The following EXOC3L4 variants were observed in gnomAD, a reference collection of about 807,000 sequenced individuals.
EXOC3L4 encodes the protein exocyst complex component 3 like 4, also known as exocyst complex component 3-like protein 4.
Under a neutral mutation model 69.7 loss-of-function variants are expected in EXOC3L4, and 62 were observed. The ratio of observed to expected loss-of-function variants is 0.89; its 90% confidence interval spans 0.72 to 1.10. EXOC3L4 has a LOEUF of 1.10. Among genes scored for constraint, EXOC3L4 ranks in the 50% least tolerant of loss-of-function variants. The pLI is 0.00. For missense variants in EXOC3L4, 1,087 were observed against 1,034.8 expected (o/e 1.05, Z -0.69); for synonymous variants, 502 against 464.2 (o/e 1.08, Z -1.05).
chr14:103,104,576 A>G, intron 5 of EXOC3L4, 162 bp from the exon 6 acceptor site: 1 of 1,219,164 alleles, frequency 8.2e-7, no homozygotes, highest in Non-Finnish European at 1.1e-6. Flanking sequence ...GCTGGATGGG[A>G]GTTTGCGGGA....
intron 4 of EXOC3L4, 40 bp from the exon 5 acceptor site, chr14:103,104,227 C>G: frequency 6.6e-7 from 1 of 1,526,484 alleles, no homozygotes; most frequent in Non-Finnish European, 8.8e-7. Context: ...GGGACGGGGT[C>G]TGGGAGGGTC....
chr14:103,103,812 G>GTGTGTGTT (rs1885234380), intron 3 of EXOC3L4, 129 bp from the exon 4 acceptor site: 2 of 613,548 alleles, frequency 3.3e-6, no homozygotes, highest in Non-Finnish European at 5.8e-6. Context: ...GTGTGTGTGT[G>GTGTGTGTT]TGTGTGTGTG....
At chr14:103,103,579 A>C in intron 3 of EXOC3L4, 1 of 196,704 alleles carries the variant, frequency 5.1e-6, no homozygotes, top group Non-Finnish European at 1.0e-5. Context: ...CGCACTCCTT[A>C]AATTGCTCCT....
intron 1 of EXOC3L4, among the ~76,000 whole-genome samples, chr14:103,099,332 G>C (rs537882499): frequency 6.6e-6 from 1 of 151,930 alleles, no homozygotes; most frequent in Non-Finnish European, 1.5e-5. Context: ...GGCAGGCCAC[G>C]GTGCCGAGGG....
rs1025949436 is a variant in EXOC3L4, at chr14:103,110,371, T to A, written c.*148T>A. Reference sequence around the variant, plus strand: ...TTTGTCGTCAGCAGCCAAGCGCAGCTGTCAGGCCAGAAGGAGCAGCCGTGC... The same window carrying A: ...TTTGTCGTCAGCAGCCAAGCGCAGCAGTCAGGCCAGAAGGAGCAGCCGTGC... On this transcript the variant is annotated 3_prime_UTR_variant, in exon 12 of 12. Transcript: ENST00000688303. The A allele has an allele frequency of 4.1e-6, 4 of 965,520 alleles. No individual in the cohort carries two copies. The Admixed American group carries it at 8.0e-5, about 19-fold the overall frequency. 59.8% of individuals were successfully genotyped at this position (965,520 alleles called of 1,614,324 possible). A position where few individuals can be genotyped will look rare whatever the true frequency, so the allele number is the denominator to read the frequency against.
chr14:103,107,788 G>A lies in EXOC3L4; in HGVS notation c.1854+5G>A. On this transcript the variant is annotated splice_donor_5th_base_variant and intron_variant, in intron 10 of 11. Transcript: ENST00000688303. ...AGCGACACCTTCCAGGGCCTGGTAG[G>A]GGCGGCATGACTGCCCTTCGGTGCT... The A allele has an allele frequency of 6.6e-7, 1 of 1,509,694 alleles. No individual in the cohort carries two copies. Among genetic ancestry groups the A allele is most frequent in the Non-Finnish European group, 8.9e-7 (1 of 1,122,300 alleles). The allele number at this position is 1,509,694 out of a possible 1,614,324, so 93.5% of individuals were successfully genotyped here.
In EXOC3L4 at chr14:103,100,270, G is replaced by A. The variant is rs758160182; in HGVS notation, c.51G>A (p.Lys17=). ...DTPGPELQSP[K]EAEEPQTPAQ... ...CTGGGCCGGAGCTGCAGAGTCCCAAGGAGGCTGAGGAGCCACAGACTCCAG... is the reference window on the plus strand; with the variant it reads ...CTGGGCCGGAGCTGCAGAGTCCCAAAGAGGCTGAGGAGCCACAGACTCCAG... The change falls in exon 2 of 12, where the codon AAG becomes AAA. Residue 17 remains lysine (K), a synonymous_variant. Transcript: ENST00000688303. The A allele has an allele frequency of 5.7e-6, 9 of 1,577,424 alleles. No homozygotes were observed. Among genetic ancestry groups the A allele is most frequent in the Non-Finnish European group, 6.9e-6 (8 of 1,160,790 alleles).
Position 103,110,313 on chromosome 14 carries a change from T to C in EXOC3L4, c.*90T>C. On this transcript the variant is annotated 3_prime_UTR_variant, in exon 12 of 12. Transcript: ENST00000688303. ...GAGCCCAGGGAGTCACTCTGGGCCC[T>C]GCCCCCAACTCTGACACTGCAGTTA... 7.1e-7 allele frequency: 1 copy of C among 1,406,120 alleles called. No homozygotes were observed. Among genetic ancestry groups the C allele is most frequent in the Middle Eastern group, 1.8e-4 (1 of 5,702 alleles). The allele number at this position is 1,406,120 out of a possible 1,614,324, so 87.1% of individuals were successfully genotyped here.
chr14:103,107,405 C>A lies in EXOC3L4; in HGVS notation c.1582-19C>A. The A allele has an allele frequency of 6.2e-7, 1 of 1,610,492 alleles. No homozygotes were observed. The highest frequency in any genetic ancestry group is 1.1e-5 in the South Asian group (1 of 91,014). On this transcript the variant is annotated intron_variant, in intron 8 of 11. Transcript: ENST00000688303. The stretch of plus-strand genomic sequence containing the variant: ...GGGCGTAGTGCACATTTGCAGACTC[C>A]CAGCCCCTCTGTCCCCAGCCGCTCT...
At chr14:103,104,558 G>A (rs1440853364) in intron 5 of EXOC3L4, 169 bp downstream of exon 5, 1 of 1,297,894 alleles carries the variant, frequency 7.7e-7, no homozygotes, top group Admixed American at 3.3e-5. Flanking sequence ...CCGACGGGCA[G>A]GGAGGCTGCT....
At chr14:103,099,121 G>A (rs1890034037) in intron 1 of EXOC3L4, among the ~76,000 whole-genome samples, 1 of 152,184 alleles carries the variant, frequency 6.6e-6, no homozygotes, top group South Asian at 2.1e-4. Flanking sequence ...GGGGCCCTGG[G>A]GCTGGGCTAG....
chr14:103,105,435 G>A (rs1471106990), intron 7 of EXOC3L4, among the ~76,000 whole-genome samples: 1 of 151,850 alleles, frequency 6.6e-6, no homozygotes, highest in Non-Finnish European at 1.5e-5. Context: ...GCTGAGTGGT[G>A]TGTGTGTGTC....
In EXOC3L4 at chr14:103,104,761, G is replaced by T; in HGVS notation, c.1308G>T (p.Ala436=). 6.6e-7 allele frequency: 1 copy of T among 1,519,500 alleles called. No individual in the cohort carries two copies. The allele number at this position is 1,519,500 out of a possible 1,614,324, so 94.1% of individuals were successfully genotyped here. Residue 436 remains alanine (A), a synonymous_variant, in exon 6 of 12, where the codon GCG becomes GCT. Transcript: ENST00000688303. ...VHMLVAEHVK[A]AGAISAELEA... ...AGCTCGTGGCCGAGCACGTGAAGGC[G>T]GCCGGCGCCATCTCCGCGGAGCTGG...
In EXOC3L4 at chr14:103,102,359, C is replaced by T. The variant is rs192143764; in HGVS notation, c.636C>T (p.Ala212=). 2,993 of 1,560,902 alleles carry T rather than the reference C, an allele frequency of 1.9e-3. 128 individuals are homozygous for T. In the Admixed American group the frequency reaches 0.051, roughly 27 times the overall value. ...DSDGVDAAAL[A]ELARVVSAEE... ...ACGGTGTGGACGCGGCCGCGCTGGC[C>T]GAGCTGGCCCGCGTGGTGAGCGCGG... Residue 212 remains alanine (A), a synonymous_variant, in exon 3 of 12, where the codon GCC becomes GCT. Coordinates refer to ENST00000688303, the MANE Select transcript of EXOC3L4 (RefSeq NM_001077594.2).
chr14:103,097,883 G>A lies in EXOC3L4; in HGVS notation c.-16-2321G>A, dbSNP rs1446848296. Reference sequence around the variant, plus strand: ...TGTCCGTGAACCCCAGGGGAAGCTGGTGAGGTGTCATCAGCGGGAGGTGGG... The same window carrying A: ...TGTCCGTGAACCCCAGGGGAAGCTGATGAGGTGTCATCAGCGGGAGGTGGG... On this transcript the variant is annotated intron_variant, in intron 1 of 11. Transcript: ENST00000688303. The surrounding 1 kb of genome is among the most constrained non-coding windows in gnomAD (Gnocchi z 4.9). 6.6e-6 allele frequency among the ~76,000 whole-genome samples: 1 copy of A among 152,126 alleles called. No individual in the cohort carries two copies. The highest frequency in any genetic ancestry group is 6.5e-5 in the Admixed American group (1 of 15,280).
rs745383898 is a variant in EXOC3L4, at chr14:103,107,617, C to T, written c.1702-14C>T. 6.3e-7 allele frequency: 1 copy of T among 1,599,598 alleles called. No homozygotes were observed. Among genetic ancestry groups the T allele is most frequent in the South Asian group, 1.1e-5 (1 of 89,942 alleles). On this transcript the variant is annotated splice_polypyrimidine_tract_variant and intron_variant, in intron 9 of 11. Transcript: ENST00000688303. ...TGTTGACCCTGACCCTGACCCTGAC[C>T]CTGGGCCGCCCAGGAGACTCTGCAG...
intron 8 of EXOC3L4, among the ~76,000 whole-genome samples, 157 bp from the exon 9 acceptor site, chr14:103,107,267 C>G (rs1481998126): frequency 6.6e-6 from 1 of 152,200 alleles, no homozygotes; most frequent in Non-Finnish European, 1.5e-5. Flanking sequence ...GAGAGGCATT[C>G]TGGGAAAGGG....
At position 103,100,902 on chromosome 14, in the gene EXOC3L4, A is replaced by ATTTTTT. The variant is rs34995113; in HGVS notation, c.394+302_394+307dup. Among the ~76,000 whole-genome samples the ATTTTTT allele has an allele frequency of 3.3e-4, 43 of 131,428 alleles. 1 individual carries two copies. The highest frequency in any genetic ancestry group is 1.0e-3 in the African/African-American group (36 of 34,422). 86.2% of individuals were successfully genotyped at this position (131,428 alleles called of 152,430 possible). ...AGGTGTAAGCCACTGCACCCGGCTAATTTTTTTTTTTTTTTTTTGACACTG... is the reference window on the plus strand; with the variant it reads ...AGGTGTAAGCCACTGCACCCGGCTAATTTTTTTTTTTTTTTTTTTTTTTTGACACTG... On this transcript the variant is annotated intron_variant, in intron 2 of 11. Coordinates refer to ENST00000688303, the MANE Select transcript of EXOC3L4 (RefSeq NM_001077594.2).
intron 3 of EXOC3L4, 23 bp downstream of exon 3, chr14:103,102,795 A>C: frequency 7.6e-7 from 1 of 1,323,922 alleles, no homozygotes; most frequent in Non-Finnish European, 9.6e-7. Context: ...CAGGGCGCCC[A>C]GTGGCGAGGA....
Sources: gnomAD v4.1 joint callset for allele counts (sites outside exome capture counted in the v4.1 genomes callset) on GRCh38, gnomAD v4.1.1 for gene constraint, Gnocchi (gnomAD v3.1) non-coding constraint, MANE v1.5 for transcripts, NCBI Gene and HGNC (gene_info 2026-07-23, HGNC 2026-07-21) for gene names.